ENPP6: variants seen among roughly 807,000 people sequenced by gnomAD.
ENPP6 encodes the protein ectonucleotide pyrophosphatase/phosphodiesterase 6.
In ENPP6, 32 loss-of-function variants were observed where a neutral mutation model predicts 42.0. The observed-to-expected ratio is 0.76, with a 90% CI of 0.58 to 1.02. ENPP6 has a LOEUF of 1.02. Among genes scored for constraint, ENPP6 ranks in the 50% least tolerant of loss-of-function variants. ENPP6 has a pLI of 0.00. For synonymous variants in ENPP6, 213 were observed against 216.0 expected (o/e 0.99, Z 0.12); for missense variants, 552 against 566.8 (o/e 0.97, Z 0.27).
At chr4:184,199,160 G>C (rs1313380005) in intron 1 of ENPP6, among the ~76,000 whole-genome samples, 4 of 152,256 alleles carry the variant, frequency 2.6e-5, no homozygotes, top group African/African-American at 9.6e-5. Context: ...TGACATGGCA[G>C]CATTTTCCAG....
chr4:184,161,622 A>C (rs1737258095), intron 1 of ENPP6, among the ~76,000 whole-genome samples: 1 of 152,156 alleles, frequency 6.6e-6, no homozygotes, highest in Admixed American at 6.6e-5. Flanking sequence ...AAAATAGGGA[A>C]TCAGCCCAAA....
intron 2 of ENPP6, among the ~76,000 whole-genome samples, chr4:184,149,803 G>T (rs1736992815): frequency 6.6e-6 from 1 of 152,196 alleles, no homozygotes; most frequent in African/African-American, 2.4e-5. Flanking sequence ...CTGCCAGCAT[G>T]TAAGGTGGCC....
intron 2 of ENPP6, among the ~76,000 whole-genome samples, chr4:184,138,275 G>GT (rs1333321747): frequency 6.6e-6 from 1 of 152,166 alleles, no homozygotes; most frequent in African/African-American, 2.4e-5. Context: ...AATAGAAGGA[G>GT]TTTTTGTACC....
chr4:184,102,010 A>G (rs906655713), intron 6 of ENPP6, among the ~76,000 whole-genome samples: 2 of 152,212 alleles, frequency 1.3e-5, no homozygotes, highest in African/African-American at 4.8e-5. Context: ...TCCCCATGAT[A>G]ATGCCTGTTA....
At chr4:184,131,195 TTC>T (rs1431379698) in intron 2 of ENPP6, among the ~76,000 whole-genome samples, 7,248 of 65,438 alleles carry the variant, frequency 0.11, 431 homozygotes, top group Non-Finnish European at 0.14. Context: ...CTTTCTTTCT[TTC>T]TTTCTTCTTT....
At chr4:184,207,591 A>G (rs968417303) in intron 1 of ENPP6, among the ~76,000 whole-genome samples, 1 of 152,246 alleles carries the variant, frequency 6.6e-6, no homozygotes, top group Non-Finnish European at 1.5e-5. Flanking sequence ...CTTCAGAGAG[A>G]GAGCTTATGC....
intron 1 of ENPP6, among the ~76,000 whole-genome samples, chr4:184,196,778 G>A (rs1241063229): frequency 6.6e-6 from 1 of 152,182 alleles, no homozygotes; most frequent in Non-Finnish European, 1.5e-5. Flanking sequence ...AAAACCAGGA[G>A]GTGAAAAGGG....
chr4:184,199,026 A>G (rs1732849795), intron 1 of ENPP6, among the ~76,000 whole-genome samples: 1 of 152,196 alleles, frequency 6.6e-6, no homozygotes, highest in African/African-American at 2.4e-5. Flanking sequence ...ACAGAGAAGG[A>G]GAGAGGCCGC....
At chr4:184,147,618 G>A (rs905042814) in intron 2 of ENPP6, among the ~76,000 whole-genome samples, 7 of 149,774 alleles carry the variant, frequency 4.7e-5, no homozygotes, top group East Asian at 2.0e-4. Flanking sequence ...CGCCACCCCC[G>A]ACCCCATGCC....
intron 6 of ENPP6, among the ~76,000 whole-genome samples, chr4:184,110,379 G>A (rs958723803): frequency 2.0e-5 from 3 of 152,182 alleles, no homozygotes; most frequent in Admixed American, 6.5e-5. Context: ...TGGGTTCTGG[G>A]CAGAAGCAGA....
At chr4:184,109,116 C>T (rs759235771) in intron 6 of ENPP6, among the ~76,000 whole-genome samples, 5 of 152,004 alleles carry the variant, frequency 3.3e-5, no homozygotes, top group Admixed American at 6.5e-5. Flanking sequence ...GAGGCTGAGG[C>T]GGGAGGATCT....
chr4:184,172,882 G>A (rs1394439035), intron 1 of ENPP6, among the ~76,000 whole-genome samples: 1 of 152,082 alleles, frequency 6.6e-6, no homozygotes, highest in Non-Finnish European at 1.5e-5. Flanking sequence ...AGGAGCAACA[G>A]AACGATATTT....
At chr4:184,216,365 C>T (rs1318233241) in intron 1 of ENPP6, among the ~76,000 whole-genome samples, 2 of 152,112 alleles carry the variant, frequency 1.3e-5, no homozygotes, top group African/African-American at 2.4e-5. Flanking sequence ...TGATTTTTTT[C>T]TCTCTCTCAT....
chr4:184,210,291 C>A (rs1733087015), intron 1 of ENPP6, among the ~76,000 whole-genome samples: 1 of 146,612 alleles, frequency 6.8e-6, no homozygotes, highest in Non-Finnish European at 1.5e-5. Flanking sequence ...CACAGACTGG[C>A]AAATTGGATA....
intron 1 of ENPP6, among the ~76,000 whole-genome samples, chr4:184,194,193 C>T (rs1732758416): frequency 6.6e-6 from 1 of 152,200 alleles, no homozygotes. Context: ...GCTAAGAAGT[C>T]ACCACCTGAA....
At chr4:184,142,648 A>C (rs1418418778) in intron 2 of ENPP6, among the ~76,000 whole-genome samples, 17 of 152,338 alleles carry the variant, frequency 1.1e-4, no homozygotes, top group Admixed American at 1.1e-3. Context: ...GAACCAACTC[A>C]TCCATTAGCG....
At chr4:184,097,575 T>C (rs1735934108) in intron 6 of ENPP6, among the ~76,000 whole-genome samples, 1 of 152,166 alleles carries the variant, frequency 6.6e-6, no homozygotes, top group Non-Finnish European at 1.5e-5. Flanking sequence ...AGCGCTGTGG[T>C]TAACAAGGTG....
At chr4:184,111,221 C>T (rs1186074212) in intron 6 of ENPP6, among the ~76,000 whole-genome samples, 7 of 152,180 alleles carry the variant, frequency 4.6e-5, no homozygotes, top group East Asian at 1.9e-4. Flanking sequence ...AGAGTAATGA[C>T]GGATGCAAAT....
At chr4:184,102,796 G>A (rs890412297) in intron 6 of ENPP6, among the ~76,000 whole-genome samples, 6 of 152,244 alleles carry the variant, frequency 3.9e-5, no homozygotes, top group Non-Finnish European at 5.9e-5. Flanking sequence ...TGCATCCCAT[G>A]CTGGCTGCTC....
Sources: gnomAD v4.1 joint callset for allele counts (sites outside exome capture counted in the v4.1 genomes callset) on GRCh38, gnomAD v4.1.1 for gene constraint, MANE v1.5 for transcripts, NCBI Gene and HGNC (gene_info 2026-07-23, HGNC 2026-07-21) for gene names.